Variants in PDE4B observed in about 807,000 individuals in gnomAD.
PDE4B encodes the protein phosphodiesterase 4B.
A neutral mutation model predicts 82.2 loss-of-function variants in PDE4B; 20 were observed. The observed-to-expected ratio is 0.24, with a 90% confidence interval of 0.17 to 0.35. The LOEUF (loss-of-function observed/expected upper bound fraction) is 0.35, where lower values mean the gene tolerates loss of function less well. Ranked by LOEUF, PDE4B falls within the 10% of genes least tolerant of loss-of-function variation. The pLI is 1.00. For missense variants in PDE4B, 655 were observed against 907.2 expected (o/e 0.72, Z 3.57); for synonymous variants, 320 against 318.9 (o/e 1.00, Z -0.04).
chr1:65,802,294 G>A (rs1257846034), intron 1 of PDE4B, among the ~76,000 whole-genome samples: 1 of 152,158 alleles, frequency 6.6e-6, no homozygotes, highest in Non-Finnish European at 1.5e-5. Context: ...CTGGTTGAAA[G>A]TGTCACCAGT....
At chr1:66,222,689 T>C (rs1031352741) in intron 3 of PDE4B, among the ~76,000 whole-genome samples, 2 of 152,238 alleles carry the variant, frequency 1.3e-5, no homozygotes, top group East Asian at 3.8e-4. Flanking sequence ...TTGTTCAATG[T>C]GAATAATATT....
At chr1:66,278,262 T>C (rs1656038346) in intron 7 of PDE4B, among the ~76,000 whole-genome samples, 1 of 152,216 alleles carries the variant, frequency 6.6e-6, no homozygotes, top group South Asian at 2.1e-4. Flanking sequence ...CTGGGGTATA[T>C]TCTGATAAGG....
At chr1:65,958,149 G>T (rs78948002) in intron 3 of PDE4B, among the ~76,000 whole-genome samples, 1 of 151,888 alleles carries the variant, frequency 6.6e-6, no homozygotes. Context: ...GGTTATGGGC[G>T]CTTTTTGCGT....
In PDE4B at chr1:65,918,797, G is replaced by A. The variant is rs780521988; in HGVS notation, c.243G>A (p.Thr81=). Residue 81 remains threonine (T), a synonymous_variant, in exon 3 of 17, where the codon ACG becomes ACA. Coordinates refer to ENST00000341517, the MANE Select transcript of PDE4B (RefSeq NM_002600.4). ...ISRPTTLPLT[T]LPSIAITTVS... ...GGCCGACCACACTGCCTTTGACAAC[G>A]CTTCCAAGCATTGCTATTACAACTG... is the stretch of plus-strand genomic sequence containing the variant. 5.0e-6 allele frequency: 8 copies of A among 1,613,296 alleles called. No individual in the cohort carries two copies. The highest frequency in any genetic ancestry group is 1.3e-5 in the African/African-American group (1 of 74,912).
chr1:66,369,283 C>A (rs931783597), intron 16 of PDE4B, among the ~76,000 whole-genome samples: 2 of 152,194 alleles, frequency 1.3e-5, no homozygotes, highest in Non-Finnish European at 1.5e-5. Flanking sequence ...CATCCCAACC[C>A]TCTGGATTTC....
At chr1:65,812,631 G>C (rs559142147) in intron 1 of PDE4B, among the ~76,000 whole-genome samples, 1 of 152,262 alleles carries the variant, frequency 6.6e-6, no homozygotes, top group African/African-American at 2.4e-5. Flanking sequence ...GCACACTTTG[G>C]AATGTTAATA....
chr1:66,079,545 C>T (rs1656617415), intron 3 of PDE4B, among the ~76,000 whole-genome samples: 1 of 152,010 alleles, frequency 6.6e-6, no homozygotes, highest in Admixed American at 6.6e-5. Context: ...TCACCAAATT[C>T]CAGCAAATTA....
Position 66,265,973 on chromosome 1 carries a change from G to T in PDE4B, c.585-65G>T, listed in dbSNP as rs1005703304. The T allele has an allele frequency of 3.5e-6, 4 of 1,137,146 alleles. No homozygotes were observed. The African/African-American group carries it at 4.6e-5, about 13-fold the overall frequency. 70.4% of individuals were successfully genotyped at this position (1,137,146 alleles called of 1,614,324 possible). On this transcript the variant is annotated intron_variant, in intron 6 of 16. Transcript: ENST00000341517. ...AGTCCTCAGTAACCATGAGGGTGGGGTGTCGGGGGTGGAATGGGCAGTTTT... is the reference window on the plus strand; with the variant it reads ...AGTCCTCAGTAACCATGAGGGTGGGTTGTCGGGGGTGGAATGGGCAGTTTT...
chr1:66,169,641 G>A (rs1429785567), intron 3 of PDE4B, among the ~76,000 whole-genome samples: 2 of 152,180 alleles, frequency 1.3e-5, no homozygotes, highest in Admixed American at 6.5e-5. Context: ...ATGCAAACCA[G>A]AGAAGGGGAG....
chr1:65,815,916 C>T (rs1408799811), intron 1 of PDE4B, among the ~76,000 whole-genome samples: 1 of 152,102 alleles, frequency 6.6e-6, no homozygotes, highest in Non-Finnish European at 1.5e-5. Flanking sequence ...GCTACAGTAC[C>T]TTGTTCCGTT....
chr1:65,823,535 G>C (rs1645979873), intron 1 of PDE4B, among the ~76,000 whole-genome samples: 1 of 151,662 alleles, frequency 6.6e-6, no homozygotes. Flanking sequence ...TCAGGCCCTT[G>C]CCATGTTATA....
intron 7 of PDE4B, among the ~76,000 whole-genome samples, chr1:66,312,688 T>A (rs551089223): frequency 2.6e-4 from 39 of 152,296 alleles, no homozygotes; most frequent in African/African-American, 9.1e-4. Flanking sequence ...GGAGAGTGAT[T>A]TCAGGATCTC....
intron 7 of PDE4B, among the ~76,000 whole-genome samples, chr1:66,287,597 C>A (rs1656770031): frequency 6.6e-6 from 1 of 152,150 alleles, no homozygotes; most frequent in African/African-American, 2.4e-5. Context: ...GGCCCAAATT[C>A]TGGCCTGGCA....
chr1:66,134,979 A>G (rs902058967), intron 3 of PDE4B, among the ~76,000 whole-genome samples: 11 of 152,232 alleles, frequency 7.2e-5, no homozygotes, highest in East Asian at 1.9e-4. Context: ...CAAAAGGATA[A>G]TACTAGAATT....
chr1:65,842,109 G>C (rs561340143), intron 1 of PDE4B, among the ~76,000 whole-genome samples: 1 of 152,042 alleles, frequency 6.6e-6, no homozygotes, highest in African/African-American at 2.4e-5. Flanking sequence ...GGTTTTAAGC[G>C]AAATAGATCA....
chr1:66,303,349 GTGTGTA>G (rs1235358634), intron 7 of PDE4B, among the ~76,000 whole-genome samples: 2 of 105,550 alleles, frequency 1.9e-5, no homozygotes, highest in Admixed American at 8.5e-5. Context: ...ATATGTGTGT[GTGTGTA>G]TATATATATA....
At chr1:65,971,611 G>A (rs1355956993) in intron 3 of PDE4B, among the ~76,000 whole-genome samples, 1 of 152,176 alleles carries the variant, frequency 6.6e-6, no homozygotes, top group Non-Finnish European at 1.5e-5. Context: ...TTTGGAGAAT[G>A]ATATGTAGTG....
chr1:65,963,304 C>T (rs185761039), intron 3 of PDE4B, among the ~76,000 whole-genome samples: 2 of 152,150 alleles, frequency 1.3e-5, no homozygotes, highest in Non-Finnish European at 2.9e-5. Flanking sequence ...GGCCTGCCTA[C>T]AAGCCTGCCC....
intron 4 of PDE4B, among the ~76,000 whole-genome samples, chr1:66,256,983 T>A (rs1392741101): frequency 6.6e-6 from 1 of 152,186 alleles, no homozygotes; most frequent in Non-Finnish European, 1.5e-5. Flanking sequence ...TGAAAACACA[T>A]TTTTGACTCT....
Sources: allele counts gnomAD v4.1 joint callset (sites outside exome capture counted in the v4.1 genomes callset), GRCh38; gene constraint gnomAD v4.1.1; transcripts MANE v1.5; gene names NCBI Gene and HGNC (gene_info 2026-07-23, HGNC 2026-07-21).